The following ZC3H11A variants were observed in gnomAD, a reference collection of about 807,000 sequenced individuals.
The protein encoded by ZC3H11A is zinc finger CCCH-type containing 11A, also known as zinc finger CCCH domain-containing protein 11A.
A neutral mutation model predicts 90.8 loss-of-function variants in ZC3H11A; 22 were observed. The observed-to-expected ratio is 0.24, with a 90% confidence interval of 0.17 to 0.35. The LOEUF (loss-of-function observed/expected upper bound fraction) is 0.35, where lower values mean the gene tolerates loss of function less well. Among genes scored for constraint, ZC3H11A ranks in the 10% least tolerant of loss-of-function variants. The pLI, the probability that ZC3H11A is intolerant of heterozygous loss-of-function variation, is 1.00. For synonymous variants in ZC3H11A, 294 were observed against 339.8 expected (o/e 0.87, Z 1.48); for missense variants, 701 against 964.9 (o/e 0.73, Z 3.62).
At position 203,852,337 on chromosome 1, in the gene ZC3H11A, C is replaced by G; in HGVS notation, c.2371C>G (p.Leu791Val). 1 of 1,613,682 alleles carries G rather than the reference C, an allele frequency of 6.2e-7. No individual in the cohort carries two copies. Among genetic ancestry groups the G allele is most frequent in the Non-Finnish European group, 8.5e-7 (1 of 1,179,830 alleles). ...AGGCAAATTGGAAGCTGAGATTGAC[C>G]TGGATCCTGGGAAAGATGAAGATGA... is the stretch of plus-strand genomic sequence containing the variant. ...SGGKLEAEIDLDPGKDEDDLL... is the reference protein window; with the variant it reads ...SGGKLEAEIDVDPGKDEDDLL... The change falls in exon 18 of 18, where the codon CTG becomes GTG. Residue 791 changes from leucine to valine, a missense_variant. By Grantham distance (32) the Leu-to-Val change is conservative (BLOSUM62 1). This residue lies in a region of ZC3H11A where 21 missense variants were observed against 49.1 expected (regional missense o/e 0.43). Coordinates refer to ENST00000367210, the MANE Select transcript of ZC3H11A (RefSeq NM_001376342.1).
At chr1:203,833,988 A>T (rs1485502723) in intron 10 of ZC3H11A, 135 bp downstream of exon 10, 3 of 1,374,956 alleles carry the variant, frequency 2.2e-6, no homozygotes, top group African/African-American at 3.0e-5. Flanking sequence ...TAAATTCCTC[A>T]TGTTTTCATG....
At chr1:203,808,015 T>C (rs1367353967) in intron 2 of ZC3H11A, among the ~76,000 whole-genome samples, 1 of 152,188 alleles carries the variant, frequency 6.6e-6, no homozygotes, top group South Asian at 2.1e-4. Context: ...GTGCTGGCAT[T>C]ACGGATGTGA....
At chr1:203,798,831 A>G (rs1284336965) in intron 1 of ZC3H11A, 7 of 1,536,164 alleles carry the variant, frequency 4.6e-6, no homozygotes, top group Non-Finnish European at 6.1e-6. Context: ...TCAGAGGTTC[A>G]TGCAGATTGT....
At chr1:203,814,649 T>A (rs916328429) in intron 2 of ZC3H11A, among the ~76,000 whole-genome samples, 2 of 152,214 alleles carry the variant, frequency 1.3e-5, no homozygotes, top group African/African-American at 2.4e-5. Context: ...CAGTTTCTTC[T>A]AGGCCTTTTC....
At chr1:203,831,881 T>A in intron 9 of ZC3H11A, 110 bp downstream of exon 9, 1 of 815,088 alleles carries the variant, frequency 1.2e-6, no homozygotes, top group Non-Finnish European at 1.9e-6. Context: ...AATTTGTTAG[T>A]ATGCTGATGA....
intron 4 of ZC3H11A, among the ~76,000 whole-genome samples, chr1:203,824,697 G>C (rs967371356): frequency 1.3e-5 from 2 of 152,138 alleles, no homozygotes; most frequent in Non-Finnish European, 2.9e-5. Context: ...GTTGGTGGTG[G>C]TGCTGCTTAA....
chr1:203,807,746 T>C lies in ZC3H11A; in HGVS notation c.-146+4730T>C, dbSNP rs189729623. Reference sequence around the variant, plus strand: ...GGTCTCACTATGTTGCCCAGGCTTATTTATTTATTTTTTGAGAGAGGGTCT... The same window carrying C: ...GGTCTCACTATGTTGCCCAGGCTTACTTATTTATTTTTTGAGAGAGGGTCT... On this transcript the variant is annotated intron_variant, in intron 2 of 17. Coordinates refer to ENST00000367210, the MANE Select transcript of ZC3H11A (RefSeq NM_001376342.1). 1.7e-3 allele frequency among the ~76,000 whole-genome samples: 265 copies of C among 152,092 alleles called. 2 individuals are homozygous for C. The highest frequency in any genetic ancestry group is 6.0e-3 in the African/African-American group (247 of 41,482).
intron 2 of ZC3H11A, among the ~76,000 whole-genome samples, chr1:203,815,812 G>A (rs1676180143): frequency 6.6e-6 from 1 of 152,080 alleles, no homozygotes; most frequent in Admixed American, 6.6e-5. Context: ...TCTGAAACCT[G>A]ATCTTCTGGT....
At chr1:203,852,027 C>T in intron 17 of ZC3H11A, 114 bp from the exon 18 acceptor site, 20 of 454,572 alleles carry the variant, frequency 4.4e-5, no homozygotes, top group South Asian at 1.7e-4. Flanking sequence ...AGAATTATTT[C>T]TTTATGTATG....
intron 2 of ZC3H11A, among the ~76,000 whole-genome samples, chr1:203,811,143 C>CA (rs535589700): frequency 0.014 from 996 of 73,492 alleles, 11 homozygotes; most frequent in East Asian, 0.054. Flanking sequence ...AACTCTGTCA[C>CA]AAAAAAAAAA....
chr1:203,814,430 G>A (rs1012856500), intron 2 of ZC3H11A, among the ~76,000 whole-genome samples: 6 of 152,036 alleles, frequency 3.9e-5, no homozygotes, highest in East Asian at 1.9e-4. Context: ...AGACTGAGGC[G>A]GGAGAATTGC....
chr1:203,851,968 CAAAAAAAAAAAA>C (rs57160781), intron 17 of ZC3H11A, among the ~76,000 whole-genome samples, 161 bp from the exon 18 acceptor site: 4 of 45,844 alleles, frequency 8.7e-5, no homozygotes, highest in Non-Finnish European at 1.1e-4. Flanking sequence ...GACTCTGCCT[CAAAAAAAAAAAA>C]AAAAAAAAAA....
intron 4 of ZC3H11A, among the ~76,000 whole-genome samples, chr1:203,821,532 G>A (rs2102874732): frequency 6.6e-6 from 1 of 152,004 alleles, no homozygotes; most frequent in Middle Eastern, 3.4e-3. Context: ...TCTGCTTTTT[G>A]GCCTGACAAG....
At chr1:203,797,530 T>C (rs1668954932) in intron 1 of ZC3H11A, 1 of 1,512,150 alleles carries the variant, frequency 6.6e-7, no homozygotes, top group African/African-American at 1.4e-5. Context: ...AGAATGAGTG[T>C]ATGTACTCTA....
intron 11 of ZC3H11A, among the ~76,000 whole-genome samples, chr1:203,839,035 A>G (rs1296240685): frequency 6.6e-6 from 1 of 152,052 alleles, no homozygotes; most frequent in Non-Finnish European, 1.5e-5. Flanking sequence ...TAAAACCATT[A>G]CCTTGCCTGC....
intron 3 of ZC3H11A, among the ~76,000 whole-genome samples, chr1:203,818,344 G>A (rs904481379): frequency 2.0e-5 from 3 of 151,978 alleles, no homozygotes; most frequent in African/African-American, 7.2e-5. Flanking sequence ...TTTTCAGCTT[G>A]TGTCACTCAT....
In ZC3H11A at chr1:203,837,956, C is replaced by A; in HGVS notation, c.875-10C>A. 1 of 1,604,016 alleles carries A rather than the reference C, an allele frequency of 6.2e-7. No individual in the cohort carries two copies. Among genetic ancestry groups the A allele is most frequent in the Non-Finnish European group, 8.5e-7 (1 of 1,177,502 alleles). On this transcript the variant is annotated splice_polypyrimidine_tract_variant and intron_variant, in intron 10 of 17. Coordinates refer to ENST00000367210, the MANE Select transcript of ZC3H11A (RefSeq NM_001376342.1). ...CTTGAAATCTTAAACTAAGTTCTCCCTCTTTATAGGCGGTGACAGTGATCC... is the reference window on the plus strand; with the variant it reads ...CTTGAAATCTTAAACTAAGTTCTCCATCTTTATAGGCGGTGACAGTGATCC...
chr1:203,821,312 C>CT (rs935359377), intron 4 of ZC3H11A, among the ~76,000 whole-genome samples: 65 of 149,314 alleles, frequency 4.4e-4, no homozygotes, highest in South Asian at 3.0e-3. Context: ...TTAGTTAAAC[C>CT]TTTTTTTTTT....
chr1:203,818,511 ATAT>A, intron 3 of ZC3H11A, 56 bp from the exon 4 acceptor site: 1 of 1,607,686 alleles, frequency 6.2e-7, no homozygotes, highest in Non-Finnish European at 8.5e-7. Flanking sequence ...CTTGTTATGG[ATAT>A]TTTACCTAGG....
Sources: allele counts gnomAD v4.1 joint callset (sites outside exome capture counted in the v4.1 genomes callset), GRCh38; gene constraint gnomAD v4.1.1; regional missense constraint gnomAD v4.1.1; transcripts MANE v1.5; gene names NCBI Gene and HGNC (gene_info 2026-07-23, HGNC 2026-07-21).